ADGRL3: variants seen among roughly 807,000 people sequenced by gnomAD.
ADGRL3 encodes calcium-independent alpha-latrotoxin receptor 3.
In ADGRL3, 62 loss-of-function variants were observed where a neutral mutation model predicts 153.5. That is an observed-to-expected ratio of 0.40 (90% CI 0.33 to 0.50). The LOEUF is 0.50. ADGRL3 is among the 20% of genes least tolerant of loss of function. The pLI is 0.47. For missense variants in ADGRL3, 1,641 were observed against 1,859.4 expected (o/e 0.88, Z 2.16); for synonymous variants, 710 against 672.5 (o/e 1.06, Z -0.86).
intron 9 of ADGRL3, among the ~76,000 whole-genome samples, chr4:61,843,972 G>C (rs1330576535): frequency 2.7e-5 from 4 of 149,810 alleles, no homozygotes; most frequent in African/African-American, 7.4e-5. Context: ...AGTGAGCTGA[G>C]ATGATGCCAT....
At chr4:61,213,750 A>G (rs1054898240) in intron 1 of ADGRL3, among the ~76,000 whole-genome samples, 5 of 152,190 alleles carry the variant, frequency 3.3e-5, no homozygotes, top group Non-Finnish European at 7.4e-5. Flanking sequence ...TAGACATACT[A>G]TGATTTATTT....
chr4:61,493,608 G>A (rs570929194), intron 2 of ADGRL3, among the ~76,000 whole-genome samples: 19 of 152,228 alleles, frequency 1.2e-4, no homozygotes, highest in African/African-American at 4.1e-4. Context: ...ATGCGCCACT[G>A]TAATTAGGGT....
At chr4:61,321,944 T>G (rs2095365198) in intron 1 of ADGRL3, among the ~76,000 whole-genome samples, 1 of 152,124 alleles carries the variant, frequency 6.6e-6, no homozygotes, top group Non-Finnish European at 1.5e-5. Flanking sequence ...TAAAAAAATT[T>G]TCTGCAACCC....
Position 61,998,278 on chromosome 4 carries a change from T to C in ADGRL3, c.3395+13T>C, listed in dbSNP as rs1403603628. 10 of 1,435,182 alleles carry C rather than the reference T, an allele frequency of 7.0e-6. No individual in the cohort carries two copies. Among genetic ancestry groups the C allele is most frequent in the Non-Finnish European group, 6.7e-6 (7 of 1,052,134 alleles). The allele number at this position is 1,435,182 out of a possible 1,614,324, so 88.9% of individuals were successfully genotyped here. ...TTGATAACATCAAGTAAGTGATTTT[T>C]ATTTTTGTTTTCTATAGGTTGTGTT... On this transcript the variant is annotated intron_variant, in intron 21 of 26. Coordinates refer to ENST00000683033, the MANE Select transcript of ADGRL3 (RefSeq NM_001387552.1).
At position 61,587,328 on chromosome 4, in the gene ADGRL3, A is replaced by T; in HGVS notation, c.361A>T (p.Ile121Leu). 1 of 1,612,268 alleles carries T rather than the reference A, an allele frequency of 6.2e-7. No homozygotes were observed. Among genetic ancestry groups the T allele is most frequent in the East Asian group, 2.2e-5 (1 of 44,756 alleles). Residue 121 changes from isoleucine (I) to leucine (L), a missense_variant, in exon 5 of 27, where the codon ATA (isoleucine) becomes TTA (leucine). Physicochemically the swap from Ile to Leu is conservative, Grantham distance 5. Transcript: ENST00000683033. ...LRCPGTDVIM[I>L]ESANYGRTDD... ...CTGTCCAGGAACAGACGTCATCATG[A>T]TAGAAAGTGCCAACTATGGCAGGAC...
intron 8 of ADGRL3, among the ~76,000 whole-genome samples, chr4:61,773,171 T>C (rs1170586071): frequency 1.3e-5 from 2 of 152,148 alleles, no homozygotes; most frequent in Non-Finnish European, 2.9e-5. Context: ...TCCAGGTGGA[T>C]AATACCGAGC....
At chr4:61,316,347 A>T (rs980115364) in intron 1 of ADGRL3, among the ~76,000 whole-genome samples, 1 of 152,154 alleles carries the variant, frequency 6.6e-6, no homozygotes, top group Non-Finnish European at 1.5e-5. Context: ...GTAAAAGACA[A>T]AAATTAGGAA....
chr4:61,809,955 T>C (rs959376561), intron 8 of ADGRL3, among the ~76,000 whole-genome samples: 6 of 152,108 alleles, frequency 3.9e-5, no homozygotes, highest in Non-Finnish European at 8.8e-5. Flanking sequence ...AAACGAGGAA[T>C]TTAAGGCACA....
At chr4:61,747,983 T>A (rs567405171) in intron 8 of ADGRL3, among the ~76,000 whole-genome samples, 1 of 152,204 alleles carries the variant, frequency 6.6e-6, no homozygotes, top group South Asian at 2.1e-4. Flanking sequence ...CAAAATCTCC[T>A]TAAGCTGATA....
intron 8 of ADGRL3, among the ~76,000 whole-genome samples, chr4:61,792,997 T>C (rs1193719417): frequency 6.7e-6 from 1 of 148,224 alleles, no homozygotes; most frequent in Non-Finnish European, 1.5e-5. Flanking sequence ...AAAAAAAAAG[T>C]TGATTGGAAT....
chr4:61,705,546 G>A (rs1309408001), intron 6 of ADGRL3, among the ~76,000 whole-genome samples: 2 of 151,172 alleles, frequency 1.3e-5, no homozygotes, highest in African/African-American at 4.9e-5. Context: ...TGCCAAGGCT[G>A]GAGTGCAGTG....
At chr4:61,956,955 G>A (rs113423266) in intron 17 of ADGRL3, among the ~76,000 whole-genome samples, 13,016 of 152,108 alleles carry the variant, frequency 0.086, 669 homozygotes, top group East Asian at 0.18. Flanking sequence ...AGTGTAGTTT[G>A]AAGTCAGGTA....
intron 2 of ADGRL3, among the ~76,000 whole-genome samples, chr4:61,456,644 T>C (rs1044661893): frequency 1.3e-5 from 2 of 151,334 alleles, no homozygotes; most frequent in African/African-American, 4.9e-5. Context: ...AAGTACAAAA[T>C]GATATGTGGC....
chr4:61,514,187 T>G (rs1371338030), intron 3 of ADGRL3, among the ~76,000 whole-genome samples: 7 of 152,200 alleles, frequency 4.6e-5, no homozygotes, highest in Non-Finnish European at 8.8e-5. Flanking sequence ...AGATACCACC[T>G]TCCTTGACCT....
chr4:61,823,681 C>A (rs2097775237), intron 9 of ADGRL3, among the ~76,000 whole-genome samples: 1 of 151,976 alleles, frequency 6.6e-6, no homozygotes, highest in East Asian at 1.9e-4. Context: ...AGGATTCAAA[C>A]CTAGGTATTA....
At chr4:61,309,115 A>G (rs72614724) in intron 1 of ADGRL3, among the ~76,000 whole-genome samples, 19,664 of 152,206 alleles carry the variant, frequency 0.13, 1,449 homozygotes, top group South Asian at 0.27. Flanking sequence ...TAAAGTTTTA[A>G]ATGTTACTAA....
intron 1 of ADGRL3, among the ~76,000 whole-genome samples, chr4:61,239,655 A>G (rs971529831): frequency 2.0e-5 from 3 of 152,100 alleles, no homozygotes; most frequent in Non-Finnish European, 4.4e-5. Context: ...AGGTTTTCAA[A>G]TGAAAAACAG....
chr4:61,661,700 T>C (rs1295300644), intron 5 of ADGRL3, among the ~76,000 whole-genome samples: 1 of 152,136 alleles, frequency 6.6e-6, no homozygotes, highest in African/African-American at 2.4e-5. Flanking sequence ...GTATATTTCA[T>C]TATAATATCT....
chr4:61,546,671 G>A lies in ADGRL3; in HGVS notation c.259+29153G>A, dbSNP rs2098715131. Among the ~76,000 whole-genome samples the A allele has an allele frequency of 2.0e-5, 3 of 151,996 alleles. No homozygotes were observed. The South Asian group carries it at 6.2e-4, about 32-fold the overall frequency. ...GGGAGTATTTACACCATAGAAATGG[G>A]CAAATATTACAAAATAGGGTTTCAT... On this transcript the variant is annotated intron_variant, in intron 4 of 26. Coordinates refer to ENST00000683033, the MANE Select transcript of ADGRL3 (RefSeq NM_001387552.1).
Sources: gnomAD v4.1 joint callset for allele counts (sites outside exome capture counted in the v4.1 genomes callset) on GRCh38, gnomAD v4.1.1 for gene constraint, MANE v1.5 for transcripts, NCBI Gene and HGNC (gene_info 2026-07-23, HGNC 2026-07-21) for gene names.